The following MGA variants were observed in gnomAD, a reference collection of about 807,000 sequenced individuals.
MGA encodes the protein MAX gene-associated protein.
A neutral mutation model predicts 261.1 loss-of-function variants in MGA; 40 were observed. That is an observed-to-expected ratio of 0.15 (90% CI 0.12 to 0.20). The LOEUF is 0.20. Ranked by LOEUF, MGA falls within the 10% of genes least tolerant of loss-of-function variation. MGA has a pLI of 1.00. For missense variants in MGA, 3,397 were observed against 3,630.5 expected, an observed-to-expected ratio of 0.94 and a Z score of 1.65; for synonymous variants, 1,302 against 1,290.6, an observed-to-expected ratio of 1.01 and a Z score of -0.19.
chr15:41,663,954 A>G (rs1352630866), intron 1 of MGA, among the ~76,000 whole-genome samples: 3 of 152,208 alleles, frequency 2.0e-5, no homozygotes, highest in African/African-American at 4.8e-5. Flanking sequence ...CTCCAAACCT[A>G]GGCATATGCT....
At chr15:41,737,691 G>T (rs1034698775) in intron 13 of MGA, among the ~76,000 whole-genome samples, 12 of 151,868 alleles carry the variant, frequency 7.9e-5, no homozygotes, top group African/African-American at 2.9e-4. Flanking sequence ...GTCAGAAAAG[G>T]TTTTTCTAGC....
chr15:41,705,346 C>T (rs767500855), intron 5 of MGA, among the ~76,000 whole-genome samples: 1 of 151,902 alleles, frequency 6.6e-6, no homozygotes, highest in African/African-American at 2.4e-5. Flanking sequence ...AAACATAACA[C>T]TAAAGCTTCT....
At chr15:41,684,244 T>A (rs1376208677) in intron 2 of MGA, 1 of 284,368 alleles carries the variant, frequency 3.5e-6, no homozygotes, top group African/African-American at 2.2e-5. Context: ...AGTTTTATCA[T>A]GAGTATTTAA....
Position 41,696,226 on chromosome 15 carries a change from G to A in MGA, c.1216G>A (p.Glu406Lys). ...AGAAGGGGTCACTGTGAAACAGGAA[G>A]AGACAGATGAAGAGACGGATGTATA... The change falls in exon 3 of 24, where the codon GAG becomes AAG. Residue 406 changes from glutamate to lysine, a missense_variant. By Grantham distance (56) the Glu-to-Lys change is moderately conservative. Coordinates refer to ENST00000219905, the MANE Select transcript of MGA (RefSeq NM_001164273.2). The A allele has an allele frequency of 2.5e-6, 4 of 1,613,946 alleles. No individual in the cohort carries two copies. The highest frequency in any genetic ancestry group is 3.4e-6 in the Non-Finnish European group (4 of 1,179,866).
chr15:41,673,226 T>C (rs1006096096), intron 2 of MGA, among the ~76,000 whole-genome samples: 2 of 152,102 alleles, frequency 1.3e-5, no homozygotes, highest in African/African-American at 4.8e-5. Flanking sequence ...TTTCTTTTTT[T>C]TTCTTTTTTG....
intron 2 of MGA, among the ~76,000 whole-genome samples, chr15:41,692,109 G>A (rs910463110): frequency 1.3e-5 from 2 of 151,776 alleles, no homozygotes; most frequent in African/African-American, 4.8e-5. Context: ...TTTTTGTTTT[G>A]TTTTGTTTTG....
intron 9 of MGA, among the ~76,000 whole-genome samples, chr15:41,714,106 A>G (rs148460403): frequency 1.3e-5 from 2 of 152,226 alleles, no homozygotes; most frequent in Non-Finnish European, 2.9e-5. Flanking sequence ...AAATGATTTT[A>G]CCGTATAATT....
At chr15:41,686,267 C>G (rs1422009642) in intron 2 of MGA, among the ~76,000 whole-genome samples, 2 of 152,040 alleles carry the variant, frequency 1.3e-5, no homozygotes, top group African/African-American at 4.8e-5. Context: ...AATTCCAGCA[C>G]TTTGGGAGGC....
intron 5 of MGA, among the ~76,000 whole-genome samples, chr15:41,705,326 T>C (rs1237994038): frequency 6.6e-6 from 1 of 151,982 alleles, no homozygotes; most frequent in Non-Finnish European, 1.5e-5. Flanking sequence ...CTACTGAAAG[T>C]CAGTTGGGAA....
rs201833480 is a variant in MGA at position 41,763,386 on chromosome 15, C to T, written c.7744+1024C>T. 8.6e-5 allele frequency among the ~76,000 whole-genome samples: 13 copies of T among 150,902 alleles called. No homozygotes were observed. In the East Asian group the frequency reaches 2.6e-3, roughly 30 times the overall value. On this transcript the variant is annotated intron_variant, in intron 22 of 23. Coordinates refer to ENST00000219905, the MANE Select transcript of MGA (RefSeq NM_001164273.2). ...AAAGTGCTGGGATTACAGGCGTGAGCCACTGCGCCTGGCCATCAGGCTCTA... is the reference window on the plus strand; with the variant it reads ...AAAGTGCTGGGATTACAGGCGTGAGTCACTGCGCCTGGCCATCAGGCTCTA...
intron 15 of MGA, among the ~76,000 whole-genome samples, chr15:41,748,012 T>G (rs1453120823): frequency 1.3e-5 from 2 of 152,158 alleles, no homozygotes; most frequent in Non-Finnish European, 2.9e-5. Context: ...GTCCCAGCAC[T>G]TTGGAAGGCC....
chr15:41,676,631 C>T (rs2058394894), intron 2 of MGA, among the ~76,000 whole-genome samples: 1 of 152,004 alleles, frequency 6.6e-6, no homozygotes, highest in African/African-American at 2.4e-5. Context: ...TGTATTTAAT[C>T]AGTTCTGTGT....
At chr15:41,664,733 A>G (rs770161537) in intron 1 of MGA, among the ~76,000 whole-genome samples, 2 of 152,192 alleles carry the variant, frequency 1.3e-5, no homozygotes, top group Non-Finnish European at 2.9e-5. Context: ...TGTTTGAATT[A>G]TACATCATTG....
chr15:41,736,958 C>A (rs1370820152), intron 13 of MGA, among the ~76,000 whole-genome samples: 1 of 152,102 alleles, frequency 6.6e-6, no homozygotes, highest in Non-Finnish European at 1.5e-5. Flanking sequence ...AGTTGCTCTT[C>A]ATAAACTTTA....
At chr15:41,625,821 G>A (rs777598033) in intron 1 of MGA, among the ~76,000 whole-genome samples, 2 of 152,156 alleles carry the variant, frequency 1.3e-5, no homozygotes, top group Non-Finnish European at 2.9e-5. Context: ...TGGAAAGCAT[G>A]TGATAAGTGA....
Position 41,669,317 on chromosome 15 carries a change from G to T in MGA, c.423G>T (p.Trp141Cys), listed in dbSNP as rs1329967065. The T allele has an allele frequency of 6.8e-6, 11 of 1,613,854 alleles. 1 individual carries two copies. The South Asian group carries it at 1.2e-4, about 18-fold the overall frequency. Reference sequence around the variant, plus strand: ...ATCGTTATAAGTGGAATGGTCGTTGGTGGGAACCTAGTGGGAAGGCTGAAC... The same window carrying T: ...ATCGTTATAAGTGGAATGGTCGTTGTTGGGAACCTAGTGGGAAGGCTGAAC... Residue 141 changes from tryptophan (W) to cysteine (C), a missense_variant, in exon 2 of 24, where the codon TGG (tryptophan) becomes TGT (cysteine). This residue lies in a region of MGA where 104 missense variants were observed against 212.9 expected (regional missense o/e 0.49). Coordinates refer to ENST00000219905, the MANE Select transcript of MGA (RefSeq NM_001164273.2).
chr15:41,662,945 A>G (rs1219021432), intron 1 of MGA, among the ~76,000 whole-genome samples: 2 of 152,234 alleles, frequency 1.3e-5, no homozygotes, highest in East Asian at 3.8e-4. Context: ...TTGTGTTTTT[A>G]AATAATGGTA....
At chr15:41,740,356 T>C (rs2062024439) in intron 14 of MGA, among the ~76,000 whole-genome samples, 153 bp downstream of exon 14, 1 of 152,182 alleles carries the variant, frequency 6.6e-6, no homozygotes, top group Non-Finnish European at 1.5e-5. Flanking sequence ...TTTGATTGTT[T>C]GGGGTTAACG....
At chr15:41,653,173 C>T (rs1233873382) in intron 1 of MGA, among the ~76,000 whole-genome samples, 1 of 152,006 alleles carries the variant, frequency 6.6e-6, no homozygotes, top group Non-Finnish European at 1.5e-5. Context: ...TCGAGACCAG[C>T]CTGGCCAAGA....
Sources: allele counts gnomAD v4.1 joint callset (sites outside exome capture counted in the v4.1 genomes callset), GRCh38; gene constraint gnomAD v4.1.1; regional missense constraint gnomAD v4.1.1; transcripts MANE v1.5; gene names NCBI Gene and HGNC (gene_info 2026-07-23, HGNC 2026-07-21).